Variants in ZNF423 observed in about 807,000 individuals in gnomAD.
The protein encoded by ZNF423 is zinc finger protein 423.
Under a neutral mutation model 95.8 loss-of-function variants are expected in ZNF423, and 12 were observed. That is an observed-to-expected ratio of 0.13 (90% CI 0.08 to 0.20). ZNF423 has a LOEUF of 0.20. Among genes scored for constraint, ZNF423 ranks in the 10% least tolerant of loss-of-function variants. ZNF423 has a pLI of 1.00. For missense variants in ZNF423, 1,316 were observed against 1,737.1 expected, an observed-to-expected ratio of 0.76 and a Z score of 4.31; for synonymous variants, 749 against 711.9, an observed-to-expected ratio of 1.05 and a Z score of -0.83.
chr16:49,682,645 G>A (rs551641796), intron 3 of ZNF423, among the ~76,000 whole-genome samples: 25 of 152,312 alleles, frequency 1.6e-4, no homozygotes, highest in African/African-American at 6.0e-4. Context: ...GGTTGGTGGG[G>A]ATGCTGAGCC....
At chr16:49,661,217 C>CA (rs397959711) in intron 3 of ZNF423, among the ~76,000 whole-genome samples, 28,825 of 97,522 alleles carry the variant, frequency 0.3, 4,106 homozygotes, top group African/African-American at 0.44. Flanking sequence ...GACTTCATCT[C>CA]AAAAAAAAAA....
chr16:49,606,433 C>T (rs1316155747), intron 5 of ZNF423, among the ~76,000 whole-genome samples: 1 of 152,116 alleles, frequency 6.6e-6, no homozygotes, highest in African/African-American at 2.4e-5. Flanking sequence ...ATAGGGTAAC[C>T]AGCAAAGTTG....
chr16:49,850,041 T>TA (rs559350271), intron 1 of ZNF423, among the ~76,000 whole-genome samples: 19 of 152,320 alleles, frequency 1.2e-4, no homozygotes, highest in African/African-American at 4.3e-4. Context: ...AGAAGATAGG[T>TA]AAAACAGCAT....
At chr16:49,790,916 C>T (rs1292820039) in intron 1 of ZNF423, among the ~76,000 whole-genome samples, 1 of 152,184 alleles carries the variant, frequency 6.6e-6, no homozygotes, top group Non-Finnish European at 1.5e-5. Context: ...TCAGGGCTGT[C>T]ATCTGCTAGA....
In ZNF423 at chr16:49,636,551, C is replaced by T; in HGVS notation, c.2625G>A (p.Glu875=). ...DLQGMLLKNP[E]APNSHEASED... ...CGCTGGCCTCATGGCTGTTAGGTGC[C>T]TCAGGGTTCTTAAGCAGCATGCCCT... The change falls in exon 4 of 8, where the codon GAG becomes GAA. Residue 875 remains glutamate (E), a synonymous_variant. Coordinates refer to ENST00000563137, the MANE Select transcript of ZNF423 (RefSeq NM_001379286.1). This position sits in a 1 kb window ranked among gnomAD's most constrained non-coding sequence, Gnocchi z 8.6. 1 of 1,613,974 alleles carries T rather than the reference C, an allele frequency of 6.2e-7. No homozygotes were observed.
At chr16:49,733,999 T>G (rs1422949198) in intron 2 of ZNF423, among the ~76,000 whole-genome samples, 1 of 151,928 alleles carries the variant, frequency 6.6e-6, no homozygotes, top group Non-Finnish European at 1.5e-5. Context: ...CATGCCAGGA[T>G]CGAATCTACA....
chr16:49,590,789 C>T (rs1244849265), intron 5 of ZNF423, among the ~76,000 whole-genome samples: 2 of 152,172 alleles, frequency 1.3e-5, no homozygotes, highest in Admixed American at 6.5e-5. Context: ...CAAACTGAAG[C>T]GATGCCAGCA....
chr16:49,525,599 C>T, intron 5 of ZNF423, 105 bp from the exon 6 acceptor site: 2 of 1,511,804 alleles, frequency 1.3e-6, no homozygotes, highest in East Asian at 4.5e-5. Flanking sequence ...CCTCCAATCC[C>T]CAGCACCGGG....
chr16:49,697,150 C>T (rs911031829), intron 3 of ZNF423, among the ~76,000 whole-genome samples: 4 of 152,194 alleles, frequency 2.6e-5, no homozygotes, highest in African/African-American at 7.2e-5. Flanking sequence ...TCAGCCCTCA[C>T]CAAGGTGGGA....
At chr16:49,825,624 T>C (rs2034997059) in intron 1 of ZNF423, among the ~76,000 whole-genome samples, 1 of 151,224 alleles carries the variant, frequency 6.6e-6, no homozygotes. Context: ...AAGGCAGCCA[T>C]CAGCAAGAAA....
intron 1 of ZNF423, among the ~76,000 whole-genome samples, chr16:49,831,140 A>C (rs1440434966): frequency 6.6e-6 from 1 of 152,190 alleles, no homozygotes; most frequent in Non-Finnish European, 1.5e-5. Context: ...TGACATGGTC[A>C]AAGTACAGCT....
At chr16:49,859,004 C>T (rs907314591), upstream of ZNF423, among the ~76,000 whole-genome samples, 6 of 152,182 alleles carry the variant, frequency 3.9e-5, no homozygotes, top group African/African-American at 1.4e-4. Flanking sequence ...CGGGGAACGG[C>T]CCCCAGCTCG....
intron 1 of ZNF423, among the ~76,000 whole-genome samples, chr16:49,793,505 G>A (rs1407751862): frequency 6.6e-6 from 1 of 152,176 alleles, no homozygotes; most frequent in Non-Finnish European, 1.5e-5. Context: ...GTTGTTTAAT[G>A]TATACAATAA....
At chr16:49,776,058 C>G (rs1289354604) in intron 2 of ZNF423, among the ~76,000 whole-genome samples, 2 of 152,290 alleles carry the variant, frequency 1.3e-5, no homozygotes, top group African/African-American at 4.8e-5. Flanking sequence ...GAGGCTTGGG[C>G]CATTTAGGGA....
intron 7 of ZNF423, among the ~76,000 whole-genome samples, chr16:49,513,448 A>G (rs1967979764): frequency 6.6e-6 from 1 of 152,220 alleles, no homozygotes; most frequent in Non-Finnish European, 1.5e-5. Context: ...ATCTGGCTGG[A>G]TCCAACAGCA....
chr16:49,625,960 T>C (rs1972247288), intron 5 of ZNF423, among the ~76,000 whole-genome samples: 1 of 152,114 alleles, frequency 6.6e-6, no homozygotes, highest in African/African-American at 2.4e-5. Context: ...TGTCAAAAGT[T>C]TGATTATAAT....
chr16:49,573,851 C>A (rs1002575255), intron 5 of ZNF423, among the ~76,000 whole-genome samples: 1 of 152,162 alleles, frequency 6.6e-6, no homozygotes, highest in African/African-American at 2.4e-5. Flanking sequence ...TTAGACAAGC[C>A]CCTTCCCCTC....
intron 7 of ZNF423, among the ~76,000 whole-genome samples, 165 bp downstream of exon 7, chr16:49,523,459 G>A (rs1968482049): frequency 6.6e-6 from 1 of 152,236 alleles, no homozygotes; most frequent in Admixed American, 6.5e-5. Context: ...GGCTGGCAGA[G>A]GCCAGGGGGC....
intron 5 of ZNF423, among the ~76,000 whole-genome samples, chr16:49,585,852 A>G (rs774349651): frequency 6.6e-6 from 1 of 152,202 alleles, no homozygotes; most frequent in Non-Finnish European, 1.5e-5. Flanking sequence ...ACAGTCACCA[A>G]AGTTCTCAAG....
Sources: gnomAD v4.1 joint callset for allele counts (sites outside exome capture counted in the v4.1 genomes callset) on GRCh38, gnomAD v4.1.1 for gene constraint, Gnocchi (gnomAD v3.1) non-coding constraint, MANE v1.5 for transcripts, NCBI Gene and HGNC (gene_info 2026-07-23, HGNC 2026-07-21) for gene names.